Variants in TANC1 observed in about 807,000 individuals in gnomAD.
The protein encoded by TANC1 is tetratricopeptide repeat, ankyrin repeat and coiled-coil containing 1.
A neutral mutation model predicts 149.7 loss-of-function variants in TANC1; 77 were observed. The observed-to-expected ratio is 0.51, with a 90% CI of 0.43 to 0.62. TANC1 has a LOEUF of 0.62. TANC1 is among the 20% of genes least tolerant of loss of function. TANC1 has a pLI of 0.00. For missense variants in TANC1, 1,985 were observed against 2,321.8 expected, an observed-to-expected ratio of 0.85 and a Z score of 2.98; for synonymous variants, 854 against 925.0, an observed-to-expected ratio of 0.92 and a Z score of 1.39.
At chr2:159,169,395 C>A (rs755392168) in intron 9 of TANC1, 23 bp downstream of exon 9, 117 of 1,610,754 alleles carry the variant, frequency 7.3e-5, no homozygotes, top group Non-Finnish European at 9.4e-5. Context: ...GCATCAGCTG[C>A]GATAATGGTT....
In TANC1 at chr2:159,153,117, G is replaced by A. The variant is rs568748738; in HGVS notation, c.682+2561G>A. Among the ~76,000 whole-genome samples, 7 of 152,252 alleles carry A rather than the reference G, an allele frequency of 4.6e-5. No individual in the cohort carries two copies. In the East Asian group the frequency reaches 1.4e-3, roughly 29 times the overall value. On this transcript the variant is annotated intron_variant, in intron 7 of 26. Transcript: ENST00000263635. ...AATCCAGCTATCTACTAGGTTCCTA[G>A]CATGGTGCTGGAAATGAGAAATTAA...
chr2:159,096,292 T>TG (rs2046125525), intron 3 of TANC1, among the ~76,000 whole-genome samples: 1 of 116,604 alleles, frequency 8.6e-6, no homozygotes, highest in Non-Finnish European at 1.7e-5. Context: ...GGACTGGCTG[T>TG]ATTTTTTTTT....
At chr2:159,076,380 A>T (rs1343845122) in intron 3 of TANC1, among the ~76,000 whole-genome samples, 1 of 152,188 alleles carries the variant, frequency 6.6e-6, no homozygotes, top group Non-Finnish European at 1.5e-5. Context: ...TATATTCAAG[A>T]ATTTATAAAG....
intron 5 of TANC1, among the ~76,000 whole-genome samples, chr2:159,146,586 G>C (rs1291025982): frequency 7.0e-6 from 1 of 143,818 alleles, no homozygotes; most frequent in Non-Finnish European, 1.5e-5. Flanking sequence ...TGTTGCCAAG[G>C]CTGGAGTGCA....
At chr2:159,196,860 C>G (rs2057895225) in intron 18 of TANC1, 67 bp downstream of exon 18, 1 of 1,439,018 alleles carries the variant, frequency 6.9e-7, no homozygotes, top group Admixed American at 2.4e-5. Context: ...AGTTGACACA[C>G]TGAAGGACCG....
chr2:159,068,693 A>G (rs1286671474), intron 3 of TANC1, among the ~76,000 whole-genome samples: 2 of 152,206 alleles, frequency 1.3e-5, no homozygotes, highest in African/African-American at 4.8e-5. Context: ...AACTATATGT[A>G]TATAAGGATA....
In TANC1 at chr2:159,225,822, G is replaced by C. The variant is rs1415458485; in HGVS notation, c.3903+43G>C. ...TTTCTTTGCCATTGAAACTGCCTGG[G>C]AGCACCCTCTTAATTGGGTACATAA... On this transcript the variant is annotated intron_variant, in intron 24 of 26. Coordinates refer to ENST00000263635, the MANE Select transcript of TANC1 (RefSeq NM_033394.3). 12 of 1,420,416 alleles carry C rather than the reference G, an allele frequency of 8.4e-6. 1 individual carries two copies. The highest frequency in any genetic ancestry group is 1.7e-4 in the Middle Eastern group (1 of 5,726). The allele number at this position is 1,420,416 out of a possible 1,614,324, so 88.0% of individuals were successfully genotyped here. A position where few individuals can be genotyped will look rare whatever the true frequency, so the allele number is the denominator to read the frequency against.
Position 159,086,462 on chromosome 2 carries a change from G to A in TANC1, c.62-11175G>A, listed in dbSNP as rs372108352. 1.2e-3 allele frequency among the ~76,000 whole-genome samples: 181 copies of A among 152,230 alleles called. 1 individual carries two copies. Among genetic ancestry groups the A allele is most frequent in the African/African-American group, 4.3e-3 (177 of 41,524 alleles). On this transcript the variant is annotated intron_variant, in intron 3 of 26. Coordinates refer to ENST00000263635, the MANE Select transcript of TANC1 (RefSeq NM_033394.3). ...GTTGGAGCTACATGGACAAGGGCAA[G>A]TGTGTGGCAGGCAGACTGAGCAACA...
chr2:159,035,811 CAGAA>C (rs2040143473), intron 2 of TANC1, among the ~76,000 whole-genome samples: 2 of 152,168 alleles, frequency 1.3e-5, no homozygotes, highest in Admixed American at 6.5e-5. Context: ...GCTTTAAACT[CAGAA>C]AGGACTTTTC....
chr2:159,173,725 T>C (rs1248772862), intron 11 of TANC1, among the ~76,000 whole-genome samples: 1 of 152,246 alleles, frequency 6.6e-6, no homozygotes, highest in African/African-American at 2.4e-5. Context: ...TGCACAAGCT[T>C]ACAGGATCCT....
intron 7 of TANC1, among the ~76,000 whole-genome samples, chr2:159,160,225 A>G (rs1488817598): frequency 6.6e-6 from 1 of 152,202 alleles, no homozygotes; most frequent in East Asian, 1.9e-4. Flanking sequence ...TAATTGACAA[A>G]AGCTGCCATC....
At chr2:159,074,517 C>A (rs916145362) in intron 3 of TANC1, among the ~76,000 whole-genome samples, 20 of 152,146 alleles carry the variant, frequency 1.3e-4, no homozygotes, top group African/African-American at 3.9e-4. Flanking sequence ...GCCACCTGCA[C>A]ACAGGGTCTT....
intron 2 of TANC1, among the ~76,000 whole-genome samples, chr2:159,023,986 G>A (rs2039048489): frequency 6.7e-6 from 1 of 150,288 alleles, no homozygotes; most frequent in Non-Finnish European, 1.5e-5. Flanking sequence ...AAAAAAAATT[G>A]TCAAAAATAT....
chr2:159,166,655 A>G (rs75241733), intron 8 of TANC1, among the ~76,000 whole-genome samples: 3,448 of 152,306 alleles, frequency 0.023, 58 homozygotes, highest in Non-Finnish European at 0.037. Flanking sequence ...TTGCATAGGT[A>G]ACAACTGAGA....
chr2:159,220,020 G>C (rs1049938104), intron 22 of TANC1, among the ~76,000 whole-genome samples, 153 bp downstream of exon 22: 1 of 144,054 alleles, frequency 6.9e-6, no homozygotes, highest in Admixed American at 6.8e-5. Context: ...GTGTGTGTGT[G>C]TCTTGTCAGG....
chr2:159,007,339 T>G (rs954965475), intron 2 of TANC1, among the ~76,000 whole-genome samples: 3 of 151,898 alleles, frequency 2.0e-5, no homozygotes, highest in Non-Finnish European at 4.4e-5. Flanking sequence ...AGAGACAGGG[T>G]TTTTCCATGT....
chr2:159,191,765 C>T (rs1159717839), intron 16 of TANC1, among the ~76,000 whole-genome samples: 1 of 152,188 alleles, frequency 6.6e-6, no homozygotes, highest in African/African-American at 2.4e-5. Context: ...TTGTGGACAT[C>T]TATCACTGAA....
chr2:159,216,641 C>T (rs139336406), intron 19 of TANC1, among the ~76,000 whole-genome samples: 85 of 152,194 alleles, frequency 5.6e-4, no homozygotes, highest in African/African-American at 1.9e-3. Flanking sequence ...GTGAGTACCC[C>T]GCCTCGTTGT....
intron 20 of TANC1, among the ~76,000 whole-genome samples, chr2:159,218,739 C>T (rs1198845002): frequency 3.3e-5 from 5 of 152,326 alleles, no homozygotes; most frequent in South Asian, 2.1e-4. Context: ...TTGCCTTCCC[C>T]GAAGGGCATG....
Sources: gnomAD v4.1 joint callset for allele counts (sites outside exome capture counted in the v4.1 genomes callset) on GRCh38, gnomAD v4.1.1 for gene constraint, MANE v1.5 for transcripts, NCBI Gene and HGNC (gene_info 2026-07-23, HGNC 2026-07-21) for gene names.